The following IFT80 variants were observed in gnomAD, a reference collection of about 807,000 sequenced individuals.
IFT80 encodes intraflagellar transport protein 80 homolog.
A neutral mutation model predicts 107.9 loss-of-function variants in IFT80; 79 were observed. The observed-to-expected ratio is 0.73, with a 90% confidence interval of 0.61 to 0.88. The LOEUF is 0.88. IFT80 is among the 40% of genes least tolerant of loss of function. IFT80 has a pLI of 0.00. For synonymous variants in IFT80, 299 were observed against 300.9 expected (o/e 0.99, Z 0.07); for missense variants, 797 against 914.2 (o/e 0.87, Z 1.65).
Position 160,307,653 on chromosome 3 carries a change from A to G in IFT80, c.1076+10T>C, listed in dbSNP as rs754589818. ...AAACTCTGAAATTTTAAGAAATGCA[A>G]GATGCTTACGAGAACACGTAACATT... is the stretch of plus-strand genomic sequence containing the variant. On this transcript the variant is annotated intron_variant, in intron 10 of 19. Coordinates refer to ENST00000326448, the MANE Select transcript of IFT80 (RefSeq NM_020800.3). 1 of 1,343,406 alleles carries G rather than the reference A, an allele frequency of 7.4e-7. No individual in the cohort carries two copies. The highest frequency in any genetic ancestry group is 1.2e-5 in the South Asian group (1 of 85,642). 83.2% of individuals were successfully genotyped at this position (1,343,406 alleles called of 1,614,324 possible).
At chr3:160,313,855 G>A (rs1193061863) in intron 9 of IFT80, among the ~76,000 whole-genome samples, 6 of 151,942 alleles carry the variant, frequency 3.9e-5, no homozygotes, top group South Asian at 2.1e-4. Flanking sequence ...TGATCCACCC[G>A]CCTCGGCCTC....
At chr3:160,364,110 G>A (rs1257901851) in intron 6 of IFT80, among the ~76,000 whole-genome samples, 1 of 152,128 alleles carries the variant, frequency 6.6e-6, no homozygotes, top group Non-Finnish European at 1.5e-5. Context: ...CTACCCATCT[G>A]ACAAAGGGCT....
In IFT80 at chr3:160,357,072, T is replaced by G. The variant is rs373444394; in HGVS notation, c.639+417A>C. Among the ~76,000 whole-genome samples, 30 of 152,306 alleles carry G rather than the reference T, an allele frequency of 2.0e-4. No individual in the cohort carries two copies. In the East Asian group the frequency reaches 3.7e-3, roughly 19 times the overall value. ...GGGGCTATACTGATATTGTTACTTA[T>G]TAAATATCAAACTCTATAGATCAAT... is the stretch of plus-strand genomic sequence containing the variant. On this transcript the variant is annotated intron_variant, in intron 7 of 19. Transcript: ENST00000326448.
At position 160,319,820 on chromosome 3, in the gene IFT80, C is replaced by T. The variant is rs145776235; in HGVS notation, c.897G>A (p.Val299=). 2,941 of 1,612,948 alleles carry T rather than the reference C, an allele frequency of 1.8e-3. 3 individuals are homozygous for T. The highest frequency in any genetic ancestry group is 1.9e-3 in the Non-Finnish European group (2,215 of 1,179,274). Residue 299 remains valine, a synonymous_variant, in exon 9 of 20, where the codon GTG becomes GTA. Coordinates refer to ENST00000326448, the MANE Select transcript of IFT80 (RefSeq NM_020800.3). ...AATTTTTCCACTCCCAATGTTGTTC[C>T]ACCACATGTGCAAAAACGACATGTC... ...GNGHVVFAHV[V]EQHWEWKNFQ...
chr3:160,390,344 G>A (rs1019089625), intron 1 of IFT80, among the ~76,000 whole-genome samples: 2 of 151,660 alleles, frequency 1.3e-5, no homozygotes, highest in East Asian at 1.9e-4. Flanking sequence ...TTGAACCCGG[G>A]AGGCAGAGGT....
intron 9 of IFT80, among the ~76,000 whole-genome samples, chr3:160,312,294 G>C (rs1465220265): frequency 1.3e-5 from 2 of 151,784 alleles, no homozygotes; most frequent in African/African-American, 4.8e-5. Flanking sequence ...CCATGTAGCA[G>C]GTGGCTGTAG....
chr3:160,271,623 A>G (rs1713813566), intron 18 of IFT80, among the ~76,000 whole-genome samples: 4 of 152,142 alleles, frequency 2.6e-5, no homozygotes, highest in Admixed American at 2.0e-4. Flanking sequence ...TTCAAATTCA[A>G]ACATGAAAGA....
chr3:160,377,681 T>A (rs750739797), intron 3 of IFT80, 141 bp from the exon 4 acceptor site: 17 of 497,696 alleles, frequency 3.4e-5, no homozygotes, highest in Non-Finnish European at 5.7e-5. Context: ...ATAAATCTAT[T>A]GGAAAATAGG....
intron 6 of IFT80, among the ~76,000 whole-genome samples, chr3:160,363,969 C>T (rs1322052986): frequency 2.0e-5 from 3 of 152,156 alleles, no homozygotes; most frequent in South Asian, 2.1e-4. Flanking sequence ...ATGACTAATA[C>T]ACCAAAAGCA....
intron 13 of IFT80, among the ~76,000 whole-genome samples, chr3:160,285,277 C>T (rs1219998770): frequency 1.3e-5 from 2 of 152,116 alleles, no homozygotes; most frequent in Non-Finnish European, 2.9e-5. Flanking sequence ...TGTCTTTAGA[C>T]CCTAATATAT....
At chr3:160,316,661 A>G (rs1422754616) in intron 9 of IFT80, among the ~76,000 whole-genome samples, 1 of 150,868 alleles carries the variant, frequency 6.6e-6, no homozygotes, top group East Asian at 2.0e-4. Flanking sequence ...CATTCCTTCC[A>G]CTCTTCTCAG....
intron 1 of IFT80, among the ~76,000 whole-genome samples, chr3:160,390,403 G>A (rs886968650): frequency 4.1e-5 from 6 of 147,854 alleles, no homozygotes; most frequent in African/African-American, 1.6e-4. Context: ...GGCAACAAGA[G>A]TGAAATTCCG....
Position 160,353,823 on chromosome 3 carries a change from G to A in IFT80, c.777+2190C>T, listed in dbSNP as rs1203618251. Among the ~76,000 whole-genome samples the A allele has an allele frequency of 2.6e-5, 4 of 151,870 alleles. No homozygotes were observed. The East Asian group carries it at 7.7e-4, about 29-fold the overall frequency. On this transcript the variant is annotated intron_variant, in intron 8 of 19. Coordinates refer to ENST00000326448, the MANE Select transcript of IFT80 (RefSeq NM_020800.3). ...TATCTTTTTCTTATTTATACCCCCAGTTTCTAGAACACTGTCTGATGAGTA... is the reference window on the plus strand; with the variant it reads ...TATCTTTTTCTTATTTATACCCCCAATTTCTAGAACACTGTCTGATGAGTA...
intron 9 of IFT80, among the ~76,000 whole-genome samples, chr3:160,318,794 G>C (rs1466906341): frequency 1.3e-5 from 2 of 152,038 alleles, no homozygotes; most frequent in African/African-American, 2.4e-5. Flanking sequence ...TAAAACAAGA[G>C]CAGCAGGAGG....
chr3:160,279,268 T>G lies in IFT80; in HGVS notation c.1761A>C (p.Pro587=). 6.2e-7 allele frequency: 1 copy of G among 1,613,094 alleles called. No individual in the cohort carries two copies. Among genetic ancestry groups the G allele is most frequent in the Non-Finnish European group, 8.5e-7 (1 of 1,179,156 alleles). ...DGSLVHISIT[P]YPAILHEYVS... ...CATATTCATGGAGAATAGCAGGATA[T>G]GGTGTTATGCTGATGTGAACCAGGG... Residue 587 remains proline, a synonymous_variant, in exon 16 of 20, where the codon CCA becomes CCC. Transcript: ENST00000326448.
intron 5 of IFT80, among the ~76,000 whole-genome samples, chr3:160,366,764 A>C (rs1721896808): frequency 6.6e-6 from 1 of 152,072 alleles, no homozygotes. Flanking sequence ...TAACAATTAC[A>C]TCATGGAAAA....
rs898130438 is a variant in IFT80, at chr3:160,305,894, CTA to C, written c.1076+1767_1076+1768del. Among the ~76,000 whole-genome samples, 11 of 152,206 alleles carry C rather than the reference CTA, an allele frequency of 7.2e-5. No homozygotes were observed. In the South Asian group the frequency reaches 1.5e-3, roughly 20 times the overall value. On this transcript the variant is annotated intron_variant, in intron 10 of 19. Coordinates refer to ENST00000326448, the MANE Select transcript of IFT80 (RefSeq NM_020800.3). ...GTAAGGTAAGTTATCTAATCATTCT[CTA>C]TGTCCTTTAGCTTCAGCTTTCAAAT...
At chr3:160,338,913 A>C (rs1719685367) in intron 8 of IFT80, among the ~76,000 whole-genome samples, 1 of 152,132 alleles carries the variant, frequency 6.6e-6, no homozygotes. Context: ...TGTTAAGTTT[A>C]TTGCTGGGAT....
rs762134619 is a variant in IFT80, at chr3:160,377,531, T to A, written c.269A>T (p.His90Leu). Residue 90 changes from histidine (H) to leucine (L), a missense_variant, in exon 4 of 20, where the codon CAT becomes CTT. His to Leu is a moderately conservative substitution (Grantham distance 99, BLOSUM62 -3). Transcript: ENST00000326448. ...CACTCTTCCTAACTTGGAAATCAGA[T>A]GAAATTTACCTGAAAGAAATTACAT... is the stretch of plus-strand genomic sequence containing the variant. ...FVLTSSDGKF[H>L]LISKLGRVEK... 1.9e-6 allele frequency: 3 copies of A among 1,589,598 alleles called. No individual in the cohort carries two copies. The highest frequency in any genetic ancestry group is 1.7e-6 in the Non-Finnish European group (2 of 1,158,712).
Sources: gnomAD v4.1 joint callset for allele counts (sites outside exome capture counted in the v4.1 genomes callset) on GRCh38, gnomAD v4.1.1 for gene constraint, MANE v1.5 for transcripts, NCBI Gene and HGNC (gene_info 2026-07-23, HGNC 2026-07-21) for gene names.